MAN1A2: variants seen among roughly 807,000 people sequenced by gnomAD.
MAN1A2 encodes the protein mannosyl-oligosaccharide 1,2-alpha-mannosidase IB.
In MAN1A2, 26 loss-of-function variants were observed where a neutral mutation model predicts 75.7. The observed-to-expected ratio is 0.34, with a 90% confidence interval of 0.25 to 0.48. The LOEUF is 0.48. MAN1A2 is among the 20% of genes least tolerant of loss of function. The probability of loss-of-function intolerance (pLI) is 0.99; values close to 1 mark genes in which losing one functional copy is unlikely to be tolerated. For missense variants in MAN1A2, 562 were observed against 775.5 expected (o/e 0.72, Z 3.27); for synonymous variants, 247 against 264.6 (o/e 0.93, Z 0.65).
intron 4 of MAN1A2, 89 bp downstream of exon 4, chr1:117,414,920 T>G: frequency 1.3e-6 from 1 of 774,192 alleles, no homozygotes; most frequent in Non-Finnish European, 2.2e-6. Context: ...TGTGCCTTCC[T>G]AAAATTCATA....
At chr1:117,452,720 G>T (rs990544445) in intron 6 of MAN1A2, among the ~76,000 whole-genome samples, 34 of 152,222 alleles carry the variant, frequency 2.2e-4, no homozygotes, top group African/African-American at 7.7e-4. Context: ...AAACATAAAG[G>T]TGACAGGTGA....
At chr1:117,495,268 A>G (rs755675101) in intron 9 of MAN1A2, among the ~76,000 whole-genome samples, 8 of 151,948 alleles carry the variant, frequency 5.3e-5, no homozygotes, top group Admixed American at 1.3e-4. Context: ...TAGGTACCTA[A>G]TAAATGTTTT....
In MAN1A2 at chr1:117,460,565, T is replaced by C. The variant is rs1181478643; in HGVS notation, c.1027T>C (p.Phe343Leu). Residue 343 changes from phenylalanine (F) to leucine (L), a missense_variant, in exon 7 of 13, where the codon TTC becomes CTC. Transcript: ENST00000356554. ...TGAATTTGGTACACTACATATGGAG[T>C]TCATCCACCTCAGCTACTTGACAGG... is the stretch of plus-strand genomic sequence containing the variant. ...LAEFGTLHMEFIHLSYLTGDL... is the reference protein window; with the variant it reads ...LAEFGTLHMELIHLSYLTGDL... 7 of 1,609,946 alleles carry C rather than the reference T, an allele frequency of 4.3e-6. No individual in the cohort carries two copies. The highest frequency in any genetic ancestry group is 5.9e-6 in the Non-Finnish European group (7 of 1,178,340).
chr1:117,427,878 C>A (rs147223195), intron 5 of MAN1A2, among the ~76,000 whole-genome samples: 19 of 152,122 alleles, frequency 1.2e-4, no homozygotes, highest in South Asian at 6.2e-4. Context: ...TGGGTTATAA[C>A]ATACATAGAT....
intron 6 of MAN1A2, among the ~76,000 whole-genome samples, chr1:117,452,238 C>T (rs777902333): frequency 4.0e-5 from 6 of 150,830 alleles, no homozygotes; most frequent in Non-Finnish European, 8.8e-5. Flanking sequence ...ACCTGGGAGG[C>T]GGAGGTTGCA....
chr1:117,501,410 C>T (rs554171078), intron 11 of MAN1A2, among the ~76,000 whole-genome samples: 4 of 151,750 alleles, frequency 2.6e-5, no homozygotes, highest in East Asian at 3.9e-4. Flanking sequence ...CTCTTGGGTG[C>T]GAAGAAAGCA....
At chr1:117,516,222 G>A (rs1651710450) in intron 12 of MAN1A2, among the ~76,000 whole-genome samples, 1 of 152,008 alleles carries the variant, frequency 6.6e-6, no homozygotes, top group Non-Finnish European at 1.5e-5. Flanking sequence ...AACAAATATG[G>A]CTAAGATGAA....
At chr1:117,425,549 T>C (rs370442566) in intron 5 of MAN1A2, among the ~76,000 whole-genome samples, 42 of 152,258 alleles carry the variant, frequency 2.8e-4, no homozygotes, top group African/African-American at 8.4e-4. Context: ...GGTTTGATGT[T>C]CAAAAATCAA....
At chr1:117,469,201 C>CA (rs1471824311) in intron 8 of MAN1A2, among the ~76,000 whole-genome samples, 8 of 151,896 alleles carry the variant, frequency 5.3e-5, no homozygotes, top group African/African-American at 1.9e-4. Context: ...AAACCAAATC[C>CA]AAAAAACAGA....
chr1:117,528,568 C>T lies in MAN1A2; in HGVS notation c.*5611C>T, dbSNP rs147009651. 9.2e-5 allele frequency: 14 copies of T among 152,064 alleles called. No homozygotes were observed. The highest frequency in any genetic ancestry group is 2.9e-4 in the African/African-American group (12 of 41,488). 9.4% of individuals were successfully genotyped at this position (152,064 alleles called of 1,614,324 possible). A position where few individuals can be genotyped will look rare whatever the true frequency, so the allele number is the denominator to read the frequency against. On this transcript the variant is annotated 3_prime_UTR_variant, in exon 13 of 13. Transcript: ENST00000356554. ...TACCAGAAAACATAATAAAGATAAG[C>T]TCAGTTCTTCATTGGGAAAAAATAT...
rs1652829241 is a variant in MAN1A2 at position 117,368,116 on chromosome 1, G to T, written c.-68G>T. On this transcript the variant is annotated 5_prime_UTR_variant, in exon 1 of 13. Coordinates refer to ENST00000356554, the MANE Select transcript of MAN1A2 (RefSeq NM_006699.5). ...CATTTTGGCCAAGATTTTGAAGACA[G>T]TTCAATGTATTCTACATTTGACATA... The T allele has an allele frequency of 7.0e-7, 1 of 1,438,836 alleles. No homozygotes were observed. The allele number at this position is 1,438,836 out of a possible 1,614,324, so 89.1% of individuals were successfully genotyped here. A position where few individuals can be genotyped will look rare whatever the true frequency, so the allele number is the denominator to read the frequency against.
chr1:117,495,353 A>C (rs1448395803), intron 9 of MAN1A2, among the ~76,000 whole-genome samples: 1 of 151,894 alleles, frequency 6.6e-6, no homozygotes, highest in East Asian at 1.9e-4. Flanking sequence ...AATTATTTTC[A>C]AAAACTATTC....
chr1:117,394,422 A>G (rs1482904834), intron 1 of MAN1A2, among the ~76,000 whole-genome samples: 2 of 152,194 alleles, frequency 1.3e-5, no homozygotes, highest in African/African-American at 4.8e-5. Flanking sequence ...GACTTCTAGT[A>G]CAATCAAATT....
intron 5 of MAN1A2, among the ~76,000 whole-genome samples, chr1:117,435,885 C>G (rs1283511641): frequency 6.6e-6 from 1 of 152,040 alleles, no homozygotes; most frequent in African/African-American, 2.4e-5. Context: ...TGGTGAAACC[C>G]TCTCTCTACT....
intron 6 of MAN1A2, among the ~76,000 whole-genome samples, chr1:117,447,532 G>A (rs776512016): frequency 1.3e-5 from 2 of 152,076 alleles, no homozygotes; most frequent in African/African-American, 4.8e-5. Flanking sequence ...GATAGGTACT[G>A]TCTTCTAGAG....
chr1:117,460,218 G>A (rs890829489), intron 6 of MAN1A2, among the ~76,000 whole-genome samples: 1 of 152,112 alleles, frequency 6.6e-6, no homozygotes, highest in African/African-American at 2.4e-5. Context: ...TGTAAGAAAC[G>A]AATGAAAGTG....
chr1:117,417,692 A>G lies in MAN1A2; in HGVS notation c.774+2861A>G, dbSNP rs183256478. Among the ~76,000 whole-genome samples the G allele has an allele frequency of 7.0e-3, 1,025 of 145,862 alleles. 14 individuals carry two copies. The highest frequency in any genetic ancestry group is 0.026 in the African/African-American group (980 of 38,022). On this transcript the variant is annotated intron_variant, in intron 4 of 12. Transcript: ENST00000356554. ...AAGGGTAACTCCAAAGTAGGCGTGCACACACACACACACACTCTCTCTCTC... is the reference window on the plus strand; with the variant it reads ...AAGGGTAACTCCAAAGTAGGCGTGCGCACACACACACACACTCTCTCTCTC...
intron 5 of MAN1A2, among the ~76,000 whole-genome samples, chr1:117,434,923 T>C (rs1224738322): frequency 2.6e-5 from 4 of 151,850 alleles, no homozygotes; most frequent in South Asian, 2.1e-4. Context: ...TTTAAAAGGA[T>C]TGGGTGATAC....
chr1:117,420,407 A>G (rs1331633440), intron 4 of MAN1A2, among the ~76,000 whole-genome samples, 162 bp from the exon 5 acceptor site: 4 of 152,124 alleles, frequency 2.6e-5, no homozygotes, highest in Non-Finnish European at 5.9e-5. Flanking sequence ...AGTAACATTA[A>G]CAAACGAGAG....
Sources: allele counts gnomAD v4.1 joint callset (sites outside exome capture counted in the v4.1 genomes callset), GRCh38; gene constraint gnomAD v4.1.1; transcripts MANE v1.5; gene names NCBI Gene and HGNC (gene_info 2026-07-23, HGNC 2026-07-21).